Variants in CLSTN2 observed in about 807,000 individuals in gnomAD.
CLSTN2 encodes calsyntenin 2, also known as calsyntenin-2.
In CLSTN2, 48 loss-of-function variants were observed where a neutral mutation model predicts 101.2. The ratio of observed to expected loss-of-function variants is 0.47; its 90% confidence interval spans 0.38 to 0.60. The LOEUF (loss-of-function observed/expected upper bound fraction) is 0.60. CLSTN2 is among the 20% of genes least tolerant of loss of function. The pLI is 0.00. For synonymous variants in CLSTN2, 481 were observed against 463.6 expected, an observed-to-expected ratio of 1.04 and a Z score of -0.48; for missense variants, 1,160 against 1,238.2, an observed-to-expected ratio of 0.94 and a Z score of 0.95.
Position 140,383,915 on chromosome 3 carries a change from C to A in CLSTN2, c.233-19714C>A, listed in dbSNP as rs139690635. Among the ~76,000 whole-genome samples, 349 of 152,304 alleles carry A rather than the reference C, an allele frequency of 2.3e-3. 3 individuals are homozygous for A. The highest frequency in any genetic ancestry group is 8.1e-3 in the African/African-American group (337 of 41,550). ...GCAAATTAGGGATAGAGCAAAGCAC[C>A]TGTAATACCAATATCCACGTACTGT... is the stretch of plus-strand genomic sequence containing the variant. On this transcript the variant is annotated intron_variant, in intron 2 of 16. Coordinates refer to ENST00000458420, the MANE Select transcript of CLSTN2 (RefSeq NM_022131.3).
chr3:140,258,101 T>G (rs2086618973), intron 2 of CLSTN2, among the ~76,000 whole-genome samples: 1 of 152,214 alleles, frequency 6.6e-6, no homozygotes, highest in Non-Finnish European at 1.5e-5. Flanking sequence ...TGAGCATTTT[T>G]CCTAAGGCTT....
At chr3:140,466,076 T>C (rs1470147828) in intron 7 of CLSTN2, among the ~76,000 whole-genome samples, 3 of 152,018 alleles carry the variant, frequency 2.0e-5, no homozygotes, top group Non-Finnish European at 4.4e-5. Context: ...AAAATCAACC[T>C]CTCCCCTCCT....
intron 1 of CLSTN2, among the ~76,000 whole-genome samples, chr3:140,015,294 G>A (rs372335272): frequency 2.6e-5 from 4 of 152,206 alleles, no homozygotes; most frequent in Non-Finnish European, 5.9e-5. Context: ...AGGCATTTGT[G>A]TGTAAACATC....
intron 1 of CLSTN2, among the ~76,000 whole-genome samples, chr3:139,960,071 C>T (rs1935480448): frequency 6.6e-6 from 1 of 152,134 alleles, no homozygotes; most frequent in Non-Finnish European, 1.5e-5. Context: ...ATGCTTTATT[C>T]GTGGTGTGTG....
intron 1 of CLSTN2, among the ~76,000 whole-genome samples, chr3:140,082,623 C>T (rs995333216): frequency 1.3e-5 from 2 of 152,146 alleles, no homozygotes; most frequent in South Asian, 4.1e-4. Context: ...TTGCTTCCTA[C>T]ACCTTCTCAT....
At chr3:140,246,955 G>A (rs2086523435) in intron 2 of CLSTN2, among the ~76,000 whole-genome samples, 1 of 152,150 alleles carries the variant, frequency 6.6e-6, no homozygotes, top group African/African-American at 2.4e-5. Flanking sequence ...GTCATTGTGA[G>A]GATTCTGAAT....
intron 6 of CLSTN2, among the ~76,000 whole-genome samples, chr3:140,453,572 C>T (rs116626766): frequency 0.017 from 2,641 of 152,208 alleles, 88 homozygotes; most frequent in African/African-American, 0.058. Context: ...AGTAATAATA[C>T]TGTATTGTAT....
rs555690511 is a variant in CLSTN2, at chr3:140,353,175, G to T, written c.233-50454G>T. 2.2e-4 allele frequency among the ~76,000 whole-genome samples: 33 copies of T among 151,264 alleles called. 1 individual carries two copies. In the South Asian group the frequency reaches 6.9e-3, roughly 32 times the overall value. On this transcript the variant is annotated intron_variant, in intron 2 of 16. Transcript: ENST00000458420. ...AGTAACTTGAGCAACTGTGAATTTT[G>T]GTATCTAAGTGTGTTGGGGTTCTGT...
intron 2 of CLSTN2, among the ~76,000 whole-genome samples, chr3:140,349,344 A>C (rs932699838): frequency 7.2e-5 from 11 of 152,210 alleles, no homozygotes; most frequent in African/African-American, 2.4e-4. Flanking sequence ...TCTTCATTTT[A>C]TATCATAAAT....
At chr3:140,382,596 G>A (rs556410380) in intron 2 of CLSTN2, among the ~76,000 whole-genome samples, 1 of 152,292 alleles carries the variant, frequency 6.6e-6, no homozygotes, top group East Asian at 1.9e-4. Flanking sequence ...TGGGGCCCAG[G>A]TTAACAGGAT....
chr3:140,479,904 A>G (rs2107750899), intron 8 of CLSTN2, among the ~76,000 whole-genome samples: 1 of 152,286 alleles, frequency 6.6e-6, no homozygotes. Flanking sequence ...AGCAATACCT[A>G]ATCACACTAT....
chr3:140,380,275 G>A (rs1414898304), intron 2 of CLSTN2, among the ~76,000 whole-genome samples: 1 of 152,122 alleles, frequency 6.6e-6, no homozygotes, highest in African/African-American at 2.4e-5. Flanking sequence ...AACCCATTGT[G>A]GGGCCCTGGT....
chr3:140,265,956 T>C (rs183293252), intron 2 of CLSTN2, among the ~76,000 whole-genome samples: 2 of 152,326 alleles, frequency 1.3e-5, no homozygotes, highest in African/African-American at 4.8e-5. Flanking sequence ...TGCATAGTTG[T>C]AGCTGGTGCA....
intron 1 of CLSTN2, among the ~76,000 whole-genome samples, chr3:139,970,126 G>T (rs1288088274): frequency 6.6e-6 from 1 of 152,196 alleles, no homozygotes; most frequent in Admixed American, 6.5e-5. Flanking sequence ...AAGAGATTTG[G>T]ATGTAATTTG....
chr3:140,167,711 C>G (rs1283518879), intron 1 of CLSTN2, among the ~76,000 whole-genome samples: 2 of 152,126 alleles, frequency 1.3e-5, no homozygotes, highest in Non-Finnish European at 2.9e-5. Flanking sequence ...TCAAATCCCA[C>G]CCCACCCCAA....
At chr3:140,138,054 G>A (rs981652543) in intron 1 of CLSTN2, among the ~76,000 whole-genome samples, 3 of 152,090 alleles carry the variant, frequency 2.0e-5, no homozygotes, top group East Asian at 1.9e-4. Flanking sequence ...AGCATGGAAG[G>A]GTCTTTAGTA....
chr3:140,222,874 GAAAA>G (rs3035937), intron 2 of CLSTN2, among the ~76,000 whole-genome samples: 7 of 143,204 alleles, frequency 4.9e-5, no homozygotes, highest in African/African-American at 1.8e-4. Flanking sequence ...AAAATTTTAA[GAAAA>G]AAAAAAAAAA....
chr3:140,287,580 TTAATGTAATGGAATACCA>T (rs2107900779), intron 2 of CLSTN2, among the ~76,000 whole-genome samples: 1 of 152,290 alleles, frequency 6.6e-6, no homozygotes, highest in Admixed American at 6.5e-5. Context: ...GGTTGGCCAG[TTAATGTAATGGAATACCA>T]TAAGAATAGG....
intron 2 of CLSTN2, among the ~76,000 whole-genome samples, chr3:140,337,544 T>A (rs1042995632): frequency 6.6e-6 from 1 of 152,164 alleles, no homozygotes; most frequent in African/African-American, 2.4e-5. Flanking sequence ...CATTCACAGG[T>A]ACCAGGGAGT....
Sources: allele counts gnomAD v4.1 joint callset (sites outside exome capture counted in the v4.1 genomes callset), GRCh38; gene constraint gnomAD v4.1.1; transcripts MANE v1.5; gene names NCBI Gene and HGNC (gene_info 2026-07-23, HGNC 2026-07-21).